The following BBS9 variants were observed in gnomAD, a reference collection of about 807,000 sequenced individuals.
BBS9 encodes Bardet-Biedl syndrome 9.
In BBS9, 89 loss-of-function variants were observed where a neutral mutation model predicts 117.7. The observed-to-expected ratio is 0.76, with a 90% CI of 0.64 to 0.90. BBS9 has a LOEUF of 0.90. Among genes scored for constraint, BBS9 ranks in the 40% least tolerant of loss-of-function variants. BBS9 has a pLI of 0.00. For missense variants in BBS9, 982 were observed against 1,042.2 expected (o/e 0.94, Z 0.80); for synonymous variants, 379 against 370.9 (o/e 1.02, Z -0.25).
At chr7:33,562,468 T>C (rs1856231959) in intron 21 of BBS9, among the ~76,000 whole-genome samples, 1 of 152,184 alleles carries the variant, frequency 6.6e-6, no homozygotes. Context: ...GCAGACAAAA[T>C]AGAATTCCTT....
At chr7:33,596,036 G>A (rs76445997) in intron 21 of BBS9, among the ~76,000 whole-genome samples, 2,618 of 152,060 alleles carry the variant, frequency 0.017, 61 homozygotes, top group African/African-American at 0.06. Context: ...TTGGAGGCAA[G>A]GGGAGGGAGA....
chr7:33,170,262 G>T, intron 4 of BBS9, among the ~76,000 whole-genome samples: 1 of 148,664 alleles, frequency 6.7e-6, no homozygotes, highest in Non-Finnish European at 1.5e-5. Context: ...CCATGATCAA[G>T]TGGGCTTCAT....
At chr7:33,361,711 T>G (rs966475510) in intron 16 of BBS9, among the ~76,000 whole-genome samples, 3 of 152,152 alleles carry the variant, frequency 2.0e-5, no homozygotes, top group Middle Eastern at 3.2e-3. Context: ...AAGGTTTATA[T>G]TTTTAGGTAG....
chr7:33,166,697 G>T (rs1287844542), intron 4 of BBS9, among the ~76,000 whole-genome samples: 5 of 152,248 alleles, frequency 3.3e-5, no homozygotes, highest in Non-Finnish European at 5.9e-5. Flanking sequence ...CCAGGCGTGG[G>T]ATATAATCTC....
intron 9 of BBS9, among the ~76,000 whole-genome samples, chr7:33,285,491 C>T (rs949512678): frequency 6.6e-6 from 1 of 152,098 alleles, no homozygotes; most frequent in Non-Finnish European, 1.5e-5. Flanking sequence ...TTATGTCAAT[C>T]TCATTGAAGG....
chr7:33,237,814 G>T (rs1183513688), intron 5 of BBS9, among the ~76,000 whole-genome samples: 1 of 152,118 alleles, frequency 6.6e-6, no homozygotes, highest in Non-Finnish European at 1.5e-5. Context: ...TCTCAGTAAT[G>T]GATGCTTATT....
intron 19 of BBS9, among the ~76,000 whole-genome samples, chr7:33,472,111 C>G (rs2128956297): frequency 6.6e-6 from 1 of 152,322 alleles, no homozygotes; most frequent in South Asian, 2.1e-4. Context: ...TGACTGAGAA[C>G]TAGCGAAGTA....
rs570257603 is a variant in BBS9 at position 33,431,459 on chromosome 7, C to T, written c.2115+43315C>T. On this transcript the variant is annotated intron_variant, in intron 19 of 22. Coordinates refer to ENST00000242067, the MANE Select transcript of BBS9 (RefSeq NM_198428.3). ...AATTCATATATTGAAACTTAATGAC[C>T]GATGTAATGGTATTAGAAGGTGGAG... 8.5e-5 allele frequency among the ~76,000 whole-genome samples: 13 copies of T among 152,100 alleles called. No individual in the cohort carries two copies. The South Asian group carries it at 1.0e-3, about 12-fold the overall frequency.
intron 9 of BBS9, among the ~76,000 whole-genome samples, chr7:33,274,742 C>T (rs1240610912): frequency 2.0e-5 from 3 of 152,118 alleles, no homozygotes; most frequent in Non-Finnish European, 4.4e-5. Flanking sequence ...CGCCTGTAAT[C>T]CCAGCTCTTT....
intron 5 of BBS9, among the ~76,000 whole-genome samples, chr7:33,202,983 G>C (rs1474784221): frequency 6.6e-6 from 1 of 152,164 alleles, no homozygotes; most frequent in African/African-American, 2.4e-5. Flanking sequence ...AAAACAAGGG[G>C]CTCCCCCAAT....
intron 19 of BBS9, among the ~76,000 whole-genome samples, chr7:33,487,861 C>T (rs1399229459): frequency 6.6e-6 from 1 of 152,196 alleles, no homozygotes. Context: ...CTTCTTGTCT[C>T]TTTTAACATA....
At chr7:33,594,450 A>T (rs143128127) in intron 21 of BBS9, among the ~76,000 whole-genome samples, 38 of 152,118 alleles carry the variant, frequency 2.5e-4, no homozygotes, top group Non-Finnish European at 5.1e-4. Flanking sequence ...AAAAACAGGG[A>T]GAAAGAAAAG....
intron 9 of BBS9, among the ~76,000 whole-genome samples, chr7:33,307,567 C>G (rs1334114358): frequency 6.6e-6 from 1 of 151,958 alleles, no homozygotes; most frequent in Non-Finnish European, 1.5e-5. Flanking sequence ...GATCCAAAAC[C>G]TATGAATACT....
intron 5 of BBS9, among the ~76,000 whole-genome samples, chr7:33,193,843 C>G (rs1427327283): frequency 1.3e-5 from 2 of 152,178 alleles, no homozygotes; most frequent in Admixed American, 1.3e-4. Flanking sequence ...TGGATCTTCT[C>G]TCTTACTATT....
chr7:33,565,809 A>ATATATATATATG (rs1554539679), intron 21 of BBS9, among the ~76,000 whole-genome samples: 9 of 49,490 alleles, frequency 1.8e-4, no homozygotes, highest in Admixed American at 3.6e-4. Context: ...ATATATATAT[A>ATATATATATATG]TATATATATA....
At chr7:33,349,207 G>A (rs2128661643) in intron 13 of BBS9, 37 bp downstream of exon 13, 2 of 1,470,142 alleles carry the variant, frequency 1.4e-6, no homozygotes, top group Non-Finnish European at 9.5e-7. Context: ...CTACCATGGT[G>A]TGAATTTTTT....
At chr7:33,527,636 C>G (rs959695044) in intron 20 of BBS9, among the ~76,000 whole-genome samples, 49 of 152,198 alleles carry the variant, frequency 3.2e-4, no homozygotes, top group Non-Finnish European at 6.3e-4. Context: ...CACTGACCTG[C>G]GCCCACTGTC....
At chr7:33,154,621 A>G (rs1485566354) in intron 3 of BBS9, among the ~76,000 whole-genome samples, 1 of 151,974 alleles carries the variant, frequency 6.6e-6, no homozygotes. Flanking sequence ...ACGTGCCACC[A>G]TGCCTGGCTA....
At chr7:33,531,805 C>T (rs1402058035) in intron 20 of BBS9, among the ~76,000 whole-genome samples, 1 of 152,136 alleles carries the variant, frequency 6.6e-6, no homozygotes, top group African/African-American at 2.4e-5. Context: ...TGAACTGCCT[C>T]AAAAAGTAGT....
Sources: allele counts gnomAD v4.1 joint callset (sites outside exome capture counted in the v4.1 genomes callset), GRCh38; gene constraint gnomAD v4.1.1; transcripts MANE v1.5; gene names NCBI Gene and HGNC (gene_info 2026-07-23, HGNC 2026-07-21).